The following FXYD4 variants were observed in gnomAD, a reference collection of about 807,000 sequenced individuals.
The protein encoded by FXYD4 is FXYD domain-containing ion transport regulator 4.
FXYD4 carries 14 observed loss-of-function variants against 18.3 expected under a neutral mutation model. The observed-to-expected ratio is 0.77, with a 90% CI of 0.51 to 1.20. The LOEUF is 1.20. Among genes scored for constraint, FXYD4 ranks in the 50% most tolerant of loss-of-function variants. The pLI is 0.00. For synonymous variants in FXYD4, 40 were observed against 40.5 expected (o/e 0.99, Z 0.04); for missense variants, 99 against 106.1 (o/e 0.93, Z 0.29).
Position 43,376,033 on chromosome 10 carries a change from C to T in FXYD4, c.214C>T (p.Pro72Ser), listed in dbSNP as rs1413753237. ...KCKSSQKQHS[P>S]VPEKAIPLIT... ...ACTCTGATGTGGTCCTTTCTCTAGT[C>T]CTGTACCTGAGAAGGCCATCCCACT... The change falls in exon 8 of 9, where the codon CCT becomes TCT. Residue 72 changes from proline (P) to serine (S), a missense_variant and splice_region_variant. Coordinates refer to ENST00000476166, the MANE Select transcript of FXYD4 (RefSeq NM_173160.3). 2.5e-6 allele frequency: 4 copies of T among 1,613,936 alleles called. No homozygotes were observed. The highest frequency in any genetic ancestry group is 2.5e-6 in the Non-Finnish European group (3 of 1,179,938).
chr10:43,373,407 G>A lies in FXYD4; in HGVS notation c.-232-108G>A, dbSNP rs532785582. The A allele has an allele frequency of 9.0e-6, 3 of 331,936 alleles. No homozygotes were observed. In the Admixed American group the frequency reaches 1.2e-4, roughly 14 times the overall value. The allele number at this position is 331,936 out of a possible 1,614,324, so 20.6% of individuals were successfully genotyped here. ...TCTTCCTCATGGGGAGGAGTAGGGG[G>A]TGGGTTTGTCGCATGGATTTTAACA... is the stretch of plus-strand genomic sequence containing the variant. On this transcript the variant is annotated intron_variant, in intron 2 of 8. Transcript: ENST00000476166.
At chr10:43,373,127 C>G (rs1329156039) in intron 2 of FXYD4, among the ~76,000 whole-genome samples, 2 of 152,086 alleles carry the variant, frequency 1.3e-5, no homozygotes, top group African/African-American at 4.8e-5. Flanking sequence ...TCAGCACTCC[C>G]TCCCTCCTCC....
chr10:43,372,318 T>C (rs1243201917), intron 1 of FXYD4, among the ~76,000 whole-genome samples: 3 of 152,158 alleles, frequency 2.0e-5, no homozygotes, highest in African/African-American at 7.2e-5. Context: ...GGAGTCTCCC[T>C]CTGTTGCCCA....
intron 5 of FXYD4, among the ~76,000 whole-genome samples, chr10:43,375,186 C>T (rs1203637066): frequency 1.3e-5 from 2 of 151,972 alleles, no homozygotes; most frequent in African/African-American, 4.8e-5. Flanking sequence ...GCCGCCACGC[C>T]TAGCTAATTT....
chr10:43,374,619 AAG>A lies in FXYD4; in HGVS notation c.79_80del (p.Asp27ArgfsTer6). 1.9e-6 allele frequency: 3 copies of A among 1,613,596 alleles called. No homozygotes were observed. Among genetic ancestry groups the A allele is most frequent in the Non-Finnish European group, 2.5e-6 (3 of 1,179,602 alleles). On this transcript the variant is annotated frameshift_variant, in exon 5 of 9. Transcript: ENST00000476166. LOFTEE classifies it high-confidence loss of function. ...TTTGCCCCACTTTTTCTAGCCAATA[AAG>A]ACGATCCCTTCTACTATGGTAAGAG...
At position 43,375,543 on chromosome 10, in the gene FXYD4, C is replaced by T; in HGVS notation, c.142C>T (p.Leu48=). ...QLSGLICGGL[L]AIAGIAAVLS... is the part of the protein sequence containing the mutation. ...GAGCGGACTGATCTGCGGAGGGCTCCTGGCCATTGCTGGGATCGCGGCAGT... is the reference window on the plus strand; with the variant it reads ...GAGCGGACTGATCTGCGGAGGGCTCTTGGCCATTGCTGGGATCGCGGCAGT... Residue 48 remains leucine, a synonymous_variant, in exon 6 of 9, where the codon CTG becomes TTG. Transcript: ENST00000476166. 6.2e-7 allele frequency: 1 copy of T among 1,614,096 alleles called. No individual in the cohort carries two copies. Among genetic ancestry groups the T allele is most frequent in the Non-Finnish European group, 8.5e-7 (1 of 1,179,998 alleles).
In FXYD4 at chr10:43,374,463, C is replaced by T. The variant is rs780130326; in HGVS notation, c.38-7C>T. ...TCCCACACATTTTCTCTGCTCCTCCCACACAGGCCTGACTGCCTTGGAAGC... is the reference window on the plus strand; with the variant it reads ...TCCCACACATTTTCTCTGCTCCTCCTACACAGGCCTGACTGCCTTGGAAGC... On this transcript the variant is annotated splice_polypyrimidine_tract_variant and splice_region_variant and intron_variant, in intron 3 of 8. Coordinates refer to ENST00000476166, the MANE Select transcript of FXYD4 (RefSeq NM_173160.3). The T allele has an allele frequency of 6.2e-7, 1 of 1,613,908 alleles. No homozygotes were observed. The highest frequency in any genetic ancestry group is 1.1e-5 in the South Asian group (1 of 91,068).
chr10:43,376,269 C>A lies in FXYD4; in HGVS notation c.*103C>A. The A allele has an allele frequency of 7.7e-7, 1 of 1,306,914 alleles. No homozygotes were observed. Among genetic ancestry groups the A allele is most frequent in the Non-Finnish European group, 1.1e-6 (1 of 911,636 alleles). 81.0% of individuals were successfully genotyped at this position (1,306,914 alleles called of 1,614,324 possible). A position where few individuals can be genotyped will look rare whatever the true frequency, so the allele number is the denominator to read the frequency against. The stretch of plus-strand genomic sequence containing the variant: ...TCAAGGAAGGACTTCTCTCCAAGGG[C>A]AGGCTGTTAGGCCCCTTTCTGATCA... On this transcript the variant is annotated 3_prime_UTR_variant, in exon 9 of 9. Coordinates refer to ENST00000476166, the MANE Select transcript of FXYD4 (RefSeq NM_173160.3).
Position 43,376,128 on chromosome 10 carries a change from T to C in FXYD4, c.251-19T>C, listed in dbSNP as rs1324144790. On this transcript the variant is annotated intron_variant, in intron 8 of 8. Transcript: ENST00000476166. ...TGTGTAAGGACTGTGTCTGATGGCC[T>C]GCCCGCCACTCTCCGCAGGCTCTGC... The C allele has an allele frequency of 9.3e-6, 15 of 1,613,728 alleles. No individual in the cohort carries two copies. Among genetic ancestry groups the C allele is most frequent in the Non-Finnish European group, 1.3e-5 (15 of 1,179,970 alleles).
Position 43,375,514 on chromosome 10 carries a change from A to G in FXYD4, c.113A>G (p.Gln38Arg). The change falls in exon 6 of 9, where the codon CAG (glutamine) becomes CGG (arginine). Residue 38 changes from glutamine (Q) to arginine (R), a missense_variant. Transcript: ENST00000476166. Reference sequence around the variant, plus strand: ...CCCACCCCAGACTGGAAAAACCTGCAGCTGAGCGGACTGATCTGCGGAGGG... The same window carrying G: ...CCCACCCCAGACTGGAAAAACCTGCGGCTGAGCGGACTGATCTGCGGAGGG... ...DPFYYDWKNL[Q>R]LSGLICGGLL... is the part of the protein sequence containing the mutation. 1 of 1,613,898 alleles carries G rather than the reference A, an allele frequency of 6.2e-7. No homozygotes were observed. The highest frequency in any genetic ancestry group is 8.5e-7 in the Non-Finnish European group (1 of 1,179,854).
At position 43,375,696 on chromosome 10, in the gene FXYD4, T is replaced by A. The variant is rs768956617; in HGVS notation, c.174T>A (p.Ser58Arg). ...LAIAGIAAVL[S>R]GKCKCKSSQK... ...CGCTGACCCCTCTCTCTCTCCCAGG[T>A]GGCAAATGCAAATGCAAGAGCAGCC... is the stretch of plus-strand genomic sequence containing the variant. The change falls in exon 7 of 9, where the codon AGT becomes AGA. Residue 58 changes from serine to arginine, a missense_variant and splice_region_variant. Physicochemically the swap from Ser to Arg is moderately radical, Grantham distance 110. Transcript: ENST00000476166. The A allele has an allele frequency of 6.2e-7, 1 of 1,614,102 alleles. No homozygotes were observed. Among genetic ancestry groups the A allele is most frequent in the Non-Finnish European group, 8.5e-7 (1 of 1,180,008 alleles).
intron 8 of FXYD4, 24 bp downstream of exon 8, chr10:43,376,093 AG>A (rs757186761): frequency 4.7e-4 from 762 of 1,613,782 alleles, no homozygotes; most frequent in Non-Finnish European, 5.9e-4. Context: ...CTGTGGGCTG[AG>A]GGGGTGTCTG....
At position 43,376,080 on chromosome 10, in the gene FXYD4, C is replaced by T. The variant is rs1164802075; in HGVS notation, c.250+11C>T. On this transcript the variant is annotated intron_variant, in intron 8 of 8. Transcript: ENST00000476166. The stretch of plus-strand genomic sequence containing the variant: ...CACTCATCACTCCAGGTGAGACGGG[C>T]TTCTGTGGGCTGAGGGGGTGTCTGT... 1 of 1,613,980 alleles carries T rather than the reference C, an allele frequency of 6.2e-7. No individual in the cohort carries two copies. Among genetic ancestry groups the T allele is most frequent in the Admixed American group, 1.7e-5 (1 of 60,004 alleles).
intron 5 of FXYD4, 98 bp downstream of exon 5, chr10:43,374,737 A>G (rs1837848183): frequency 1.0e-6 from 1 of 953,604 alleles, no homozygotes; most frequent in African/African-American, 1.6e-5. Flanking sequence ...AGTGTAGACA[A>G]AGTGGGATGG....
At chr10:43,373,875 G>T (rs1837837735) in intron 3 of FXYD4, 92 bp downstream of exon 3, 5 of 849,714 alleles carry the variant, frequency 5.9e-6, no homozygotes, top group South Asian at 5.3e-5. Flanking sequence ...GGAGTCTGGT[G>T]TTCAATCAGC....
In FXYD4 at chr10:43,373,748, TG is replaced by T; in HGVS notation, c.4del (p.Glu2?). 4 of 1,606,270 alleles carry T rather than the reference TG, an allele frequency of 2.5e-6. No individual in the cohort carries two copies. The highest frequency in any genetic ancestry group is 3.4e-6 in the Non-Finnish European group (4 of 1,173,220). On this transcript the variant is annotated frameshift_variant and start_lost, in exon 3 of 9. Coordinates refer to ENST00000476166, the MANE Select transcript of FXYD4 (RefSeq NM_173160.3). LOFTEE classifies it high-confidence loss of function. ...CAGCCCTGCCCCTCGAACTGTGACA[TG>T]GAGAGAGTGACCCTGGCCCTTCTCC... MERVTLALLLL... is the reference protein window; with the variant it reads XERVTLALLLL...
chr10:43,376,016 G>A lies in FXYD4; in HGVS notation c.213-16G>A, dbSNP rs761508569. 34 of 1,613,830 alleles carry A rather than the reference G, an allele frequency of 2.1e-5. 1 individual carries two copies. The East Asian group carries it at 7.6e-4, about 36-fold the overall frequency. On this transcript the variant is annotated splice_polypyrimidine_tract_variant and intron_variant, in intron 7 of 8. Coordinates refer to ENST00000476166, the MANE Select transcript of FXYD4 (RefSeq NM_173160.3). ...CAGGCTAACCTGATACTACTCTGAT[G>A]TGGTCCTTTCTCTAGTCCTGTACCT...
chr10:43,373,695 G>A lies in FXYD4; in HGVS notation c.-52G>A. The stretch of plus-strand genomic sequence containing the variant: ...GCCTGGAGCAGATCCGTGGGCTGCA[G>A]ACCCCCGCCCCAGTGCCTCTCCCCC... On this transcript the variant is annotated 5_prime_UTR_variant, in exon 3 of 9. Coordinates refer to ENST00000476166, the MANE Select transcript of FXYD4 (RefSeq NM_173160.3). The A allele has an allele frequency of 1.8e-6, 2 of 1,082,684 alleles. No individual in the cohort carries two copies. Among genetic ancestry groups the A allele is most frequent in the Non-Finnish European group, 2.9e-6 (2 of 695,536 alleles). The allele number at this position is 1,082,684 out of a possible 1,614,324, so 67.1% of individuals were successfully genotyped here.
In FXYD4 at chr10:43,375,576, G is replaced by A. The variant is rs377048075; in HGVS notation, c.172+3G>A. The A allele has an allele frequency of 6.2e-7, 1 of 1,613,552 alleles. No homozygotes were observed. The highest frequency in any genetic ancestry group is 8.5e-7 in the Non-Finnish European group (1 of 1,179,482). On this transcript the variant is annotated splice_donor_region_variant and intron_variant, in intron 6 of 8. Transcript: ENST00000476166. Reference sequence around the variant, plus strand: ...TGCTGGGATCGCGGCAGTTCTGAGTGAGTGGCAGGACAGGTGGGGCTGGAG... The same window carrying A: ...TGCTGGGATCGCGGCAGTTCTGAGTAAGTGGCAGGACAGGTGGGGCTGGAG...
Sources: allele counts gnomAD v4.1 joint callset (sites outside exome capture counted in the v4.1 genomes callset), GRCh38; gene constraint gnomAD v4.1.1; transcripts MANE v1.5; gene names NCBI Gene and HGNC (gene_info 2026-07-23, HGNC 2026-07-21).